PRDM16: variants seen among roughly 807,000 people sequenced by gnomAD.
PRDM16 encodes the protein histone-lysine N-methyltransferase PRDM16.
PRDM16 carries 23 observed loss-of-function variants against 110.6 expected under a neutral mutation model. The observed-to-expected ratio is 0.21, with a 90% CI of 0.15 to 0.29. The LOEUF (loss-of-function observed/expected upper bound fraction) is 0.29, where lower values mean the gene tolerates loss of function less well. PRDM16 is among the 10% of genes least tolerant of loss of function. PRDM16 has a pLI of 1.00. For missense variants in PRDM16, 1,615 were observed against 1,794.3 expected, an observed-to-expected ratio of 0.90 and a Z score of 1.81; for synonymous variants, 799 against 781.8, an observed-to-expected ratio of 1.02 and a Z score of -0.37.
intron 1 of PRDM16, among the ~76,000 whole-genome samples, chr1:3,147,496 G>T (rs983546014): frequency 6.6e-6 from 1 of 152,074 alleles, no homozygotes; most frequent in African/African-American, 2.4e-5. Flanking sequence ...GGACTCCGTC[G>T]CCCTGAGGCT....
intron 3 of PRDM16, among the ~76,000 whole-genome samples, chr1:3,259,983 A>G (rs908351035): frequency 6.6e-6 from 1 of 151,008 alleles, no homozygotes; most frequent in Non-Finnish European, 1.5e-5. Context: ...AGCCCCCTGC[A>G]CTTCTTTGGG....
At chr1:3,356,044 C>A (rs953670062) in intron 3 of PRDM16, among the ~76,000 whole-genome samples, 4 of 152,182 alleles carry the variant, frequency 2.6e-5, no homozygotes, top group Non-Finnish European at 5.9e-5. Flanking sequence ...AGGTGATGGA[C>A]TTTGAACCCA....
chr1:3,290,172 C>T lies in PRDM16; in HGVS notation c.438+46035C>T, dbSNP rs931585239. Reference sequence around the variant, plus strand: ...CTGTTCTCCTGGGTATCACACCCTACGACTCCAAGGCTGGCCCGGCACAGG... The same window carrying T: ...CTGTTCTCCTGGGTATCACACCCTATGACTCCAAGGCTGGCCCGGCACAGG... On this transcript the variant is annotated intron_variant, in intron 3 of 16. Transcript: ENST00000270722. The surrounding 1 kb of genome is among the most constrained non-coding windows in gnomAD (Gnocchi z 4.8). 1.3e-5 allele frequency among the ~76,000 whole-genome samples: 2 copies of T among 152,194 alleles called. No homozygotes were observed. The highest frequency in any genetic ancestry group is 6.5e-5 in the Admixed American group (1 of 15,280).
rs1294136105 is a variant in PRDM16 at position 3,417,984 on chromosome 1, C to A, written c.2848C>A (p.Arg950=). The part of the protein sequence containing the change: ...SDPILRKGKE[R]YTCRYCGKIF... ...CCCCATCCTCAGGAAGGGCAAGGAGCGATACACGTGCAGGTGAGGGGCCCT... is the reference window on the plus strand; with the variant it reads ...CCCCATCCTCAGGAAGGGCAAGGAGAGATACACGTGCAGGTGAGGGGCCCT... The change falls in exon 11 of 17, where the codon CGA becomes AGA. Residue 950 remains arginine, a synonymous_variant. Transcript: ENST00000270722. The A allele has an allele frequency of 1.2e-6, 2 of 1,612,044 alleles. No individual in the cohort carries two copies. Among genetic ancestry groups the A allele is most frequent in the Non-Finnish European group, 1.7e-6 (2 of 1,179,422 alleles).
intron 3 of PRDM16, among the ~76,000 whole-genome samples, chr1:3,349,831 A>C (rs1159023731): frequency 6.6e-6 from 1 of 152,142 alleles, no homozygotes; most frequent in Non-Finnish European, 1.5e-5. Context: ...GGGATTGAGG[A>C]GCCTCCAGCC....
At chr1:3,372,261 A>G (rs893519433) in intron 3 of PRDM16, among the ~76,000 whole-genome samples, 4 of 152,244 alleles carry the variant, frequency 2.6e-5, no homozygotes, top group Non-Finnish European at 4.4e-5. Flanking sequence ...AACAAAGGAA[A>G]GTTCTGGGCT....
At chr1:3,351,166 G>A (rs1642473716) in intron 3 of PRDM16, among the ~76,000 whole-genome samples, 1 of 152,146 alleles carries the variant, frequency 6.6e-6, no homozygotes, top group South Asian at 2.1e-4. Flanking sequence ...AGAAGCACCT[G>A]CTTCCCACGG....
intron 3 of PRDM16, among the ~76,000 whole-genome samples, chr1:3,352,911 C>T (rs529308486): frequency 1.3e-5 from 2 of 152,326 alleles, no homozygotes; most frequent in East Asian, 1.9e-4. Flanking sequence ...ACAAGTCCCA[C>T]GTCGGGGAGG....
intron 2 of PRDM16, among the ~76,000 whole-genome samples, chr1:3,210,315 A>G (rs949574386): frequency 6.6e-6 from 1 of 152,182 alleles, no homozygotes; most frequent in Non-Finnish European, 1.5e-5. Flanking sequence ...AGCTCTGAGC[A>G]TGGAGATGAG....
At chr1:3,319,767 C>G (rs1641698077) in intron 3 of PRDM16, among the ~76,000 whole-genome samples, 1 of 152,204 alleles carries the variant, frequency 6.6e-6, no homozygotes, top group South Asian at 2.1e-4. Flanking sequence ...CACCCAGCCA[C>G]CCACACAGCC....
At chr1:3,094,561 C>A (rs927648465) in intron 1 of PRDM16, among the ~76,000 whole-genome samples, 1 of 152,168 alleles carries the variant, frequency 6.6e-6, no homozygotes, top group East Asian at 1.9e-4. Flanking sequence ...GAGCCAGGGC[C>A]GGGACGCTAT....
chr1:3,098,269 A>C (rs1474562), intron 1 of PRDM16, among the ~76,000 whole-genome samples: 49,999 of 152,064 alleles, frequency 0.33, 8,486 homozygotes, highest in East Asian at 0.57. Context: ...TGCACCCTGC[A>C]CCAGCCTCAG....
intron 3 of PRDM16, among the ~76,000 whole-genome samples, chr1:3,322,589 C>A (rs111427764): frequency 1.3e-5 from 2 of 152,118 alleles, no homozygotes; most frequent in African/African-American, 4.8e-5. Flanking sequence ...CCTGCACGTC[C>A]GGTCTCCTCC....
At chr1:3,114,304 C>T (rs1167100978) in intron 1 of PRDM16, among the ~76,000 whole-genome samples, 11 of 123,036 alleles carry the variant, frequency 8.9e-5, no homozygotes, top group Admixed American at 2.4e-4. Flanking sequence ...CGCACACGCA[C>T]GCACACACAC....
chr1:3,412,384 C>G lies in PRDM16; in HGVS notation c.2187C>G (p.Phe729Leu), dbSNP rs200109766. ...ACCACTCGGCGTTCCCCTTCCAGTT[C>G]CTGCCCAACTTCCCCCACTCCCTTT... ...LPYHSAFPFQ[F>L]LPNFPHSLYP... Residue 729 changes from phenylalanine (F) to leucine (L), a missense_variant, in exon 9 of 17, where the codon TTC becomes TTG. Transcript: ENST00000270722. 433 of 1,613,456 alleles carry G rather than the reference C, an allele frequency of 2.7e-4. 1 individual carries two copies. Among genetic ancestry groups the G allele is most frequent in the Admixed American group, 4.3e-4 (26 of 60,024 alleles).
At chr1:3,272,162 C>T (rs80149583) in intron 3 of PRDM16, among the ~76,000 whole-genome samples, 2,541 of 152,272 alleles carry the variant, frequency 0.017, 83 homozygotes, top group African/African-American at 0.057. Flanking sequence ...TCCTCCAGGG[C>T]GAATTGGCAA....
chr1:3,149,392 C>T lies in PRDM16; in HGVS notation c.38-36733C>T, dbSNP rs377515594. 3.3e-5 allele frequency among the ~76,000 whole-genome samples: 5 copies of T among 152,112 alleles called. 1 individual carries two copies. The highest frequency in any genetic ancestry group is 1.9e-4 in the East Asian group (1 of 5,162). On this transcript the variant is annotated intron_variant, in intron 1 of 16. Transcript: ENST00000270722. The stretch of plus-strand genomic sequence containing the variant: ...GAGTCGGATGGGGAGAACTGAGCCC[C>T]GGGTGGGGGCAGACAGCCTGGGACC...
intron 3 of PRDM16, among the ~76,000 whole-genome samples, chr1:3,302,562 G>A (rs1231992581): frequency 6.6e-6 from 1 of 152,060 alleles, no homozygotes; most frequent in Non-Finnish European, 1.5e-5. Flanking sequence ...AATGAAATGA[G>A]GTGTGCCTGG....
At chr1:3,173,789 C>A (rs1229940689) in intron 1 of PRDM16, among the ~76,000 whole-genome samples, 1 of 152,196 alleles carries the variant, frequency 6.6e-6, no homozygotes, top group Non-Finnish European at 1.5e-5. Flanking sequence ...GCCGAGGCTC[C>A]GTGCTCAGCA....
Sources: allele counts gnomAD v4.1 joint callset (sites outside exome capture counted in the v4.1 genomes callset), GRCh38; gene constraint gnomAD v4.1.1; non-coding constraint Gnocchi (gnomAD v3.1); transcripts MANE v1.5; gene names NCBI Gene and HGNC (gene_info 2026-07-23, HGNC 2026-07-21).